Variants in CRB1 observed in about 807,000 individuals in gnomAD.
The protein encoded by CRB1 is crumbs cell polarity complex component 1.
CRB1 carries 83 observed loss-of-function variants against 120.0 expected under a neutral mutation model. The ratio of observed to expected loss-of-function variants is 0.69; its 90% CI spans 0.58 to 0.83. CRB1 has a LOEUF of 0.83. CRB1 is among the 40% of genes least tolerant of loss of function. CRB1 has a pLI of 0.00. For synonymous variants in CRB1, 625 were observed against 612.5 expected (o/e 1.02, Z -0.30); for missense variants, 1,699 against 1,687.6 (o/e 1.01, Z -0.12).
At chr1:197,466,837 G>C (rs1416938517) in intron 11 of CRB1, among the ~76,000 whole-genome samples, 3 of 152,226 alleles carry the variant, frequency 2.0e-5, no homozygotes, top group Non-Finnish European at 4.4e-5. Context: ...TGAATGAAAA[G>C]AGAGCCAAGG....
chr1:197,440,665 A>T (rs1429299076), intron 10 of CRB1: 1 of 152,254 alleles, frequency 6.6e-6, no homozygotes, highest in Admixed American at 6.5e-5. Flanking sequence ...TTAGAGGAAG[A>T]CAGAAAATAG....
intron 5 of CRB1, among the ~76,000 whole-genome samples, chr1:197,390,360 C>T (rs894670671): frequency 3.3e-5 from 5 of 152,020 alleles, no homozygotes; most frequent in African/African-American, 4.8e-5. Context: ...AGACAGCAGA[C>T]ATTTTTCCCA....
At chr1:197,455,949 C>A (rs1424833480) in intron 11 of CRB1, among the ~76,000 whole-genome samples, 1 of 151,868 alleles carries the variant, frequency 6.6e-6, no homozygotes, top group African/African-American at 2.4e-5. Flanking sequence ...TATCCAAAAC[C>A]AAATAGGCTA....
chr1:197,328,765 T>C lies in CRB1; in HGVS notation c.414T>C (p.Ala138=), dbSNP rs1658677371. The C allele has an allele frequency of 6.2e-7, 1 of 1,612,298 alleles. No individual in the cohort carries two copies. Among genetic ancestry groups the C allele is most frequent in the South Asian group, 1.1e-5 (1 of 90,968 alleles). ...TTTATCCTGTCTGCATCTGCCCTGC[T>C]GGATATGCTGGAAGATTCTGTGAGA... ...DPIYPVCICP[A]GYAGRFCEID... Residue 138 remains alanine, a synonymous_variant, in exon 2 of 12, where the codon GCT becomes GCC. Coordinates refer to ENST00000367400, the MANE Select transcript of CRB1 (RefSeq NM_201253.3).
intron 11 of CRB1, chr1:197,444,039 G>C (rs1665585263): frequency 6.6e-6 from 1 of 152,146 alleles, no homozygotes; most frequent in South Asian, 2.1e-4. Flanking sequence ...TTGAAAACAT[G>C]AGGACAGTTT....
intron 2 of CRB1, among the ~76,000 whole-genome samples, chr1:197,336,183 C>G (rs541661475): frequency 2.6e-5 from 4 of 152,300 alleles, no homozygotes; most frequent in African/African-American, 9.6e-5. Flanking sequence ...CTCATCCATG[C>G]TGATGCATAA....
At chr1:197,386,511 T>G (rs928412631) in intron 5 of CRB1, among the ~76,000 whole-genome samples, 2 of 152,278 alleles carry the variant, frequency 1.3e-5, no homozygotes, top group East Asian at 1.9e-4. Flanking sequence ...TAGACAGCAC[T>G]TCCCTGAATT....
intron 4 of CRB1, among the ~76,000 whole-genome samples, chr1:197,354,838 G>T (rs79186800): frequency 1.3e-4 from 2 of 14,964 alleles, no homozygotes; most frequent in Non-Finnish European, 2.3e-4. Flanking sequence ...CCCCCCCCCC[G>T]CCCACCCCCC....
Position 197,427,999 on chromosome 1 carries a change from A to G in CRB1, c.2674A>G (p.Lys892Glu), listed in dbSNP as rs770031120. The change falls in exon 7 of 12, where the codon AAG becomes GAG. Residue 892 changes from lysine (K) to glutamate (E), a missense_variant and splice_region_variant. Physicochemically the swap from Lys to Glu is moderately conservative, Grantham distance 56 (BLOSUM62 1). Coordinates refer to ENST00000367400, the MANE Select transcript of CRB1 (RefSeq NM_201253.3). ...TQGCAGDNSC[K>E]SNPCHNGGVC... ...AGGCTGTGCTGGAGACAACAGCTGCAAGGTAATGATTACTCATACAAACTA... is the reference window on the plus strand; with the variant it reads ...AGGCTGTGCTGGAGACAACAGCTGCGAGGTAATGATTACTCATACAAACTA... The G allele has an allele frequency of 6.2e-7, 1 of 1,613,106 alleles. No homozygotes were observed. The highest frequency in any genetic ancestry group is 1.1e-5 in the South Asian group (1 of 91,070).
intron 8 of CRB1, among the ~76,000 whole-genome samples, chr1:197,431,432 T>C (rs1664865900): frequency 6.6e-6 from 1 of 152,206 alleles, no homozygotes; most frequent in Non-Finnish European, 1.5e-5. Context: ...AAATGATACT[T>C]TTTCATTCTA....
At chr1:197,452,858 C>T (rs1277879800) in intron 11 of CRB1, among the ~76,000 whole-genome samples, 4 of 152,170 alleles carry the variant, frequency 2.6e-5, no homozygotes, top group Non-Finnish European at 5.9e-5. Flanking sequence ...AATTTGTTAA[C>T]TGTCATATGA....
chr1:197,429,854 C>T (rs1475080792), intron 8 of CRB1, among the ~76,000 whole-genome samples: 2 of 152,186 alleles, frequency 1.3e-5, no homozygotes, highest in Non-Finnish European at 2.9e-5. Flanking sequence ...TCATTTAAAA[C>T]TGATTTCCTG....
intron 3 of CRB1, among the ~76,000 whole-genome samples, chr1:197,346,062 A>T (rs912846940): frequency 1.3e-5 from 2 of 152,188 alleles, no homozygotes; most frequent in African/African-American, 4.8e-5. Flanking sequence ...ATCAGGACAG[A>T]AACGACACAA....
chr1:197,356,811 T>C lies in CRB1; in HGVS notation c.989-20T>C, dbSNP rs1660502032. ...TCAACACCTTTGACTTAGCAGCTTC[T>C]CTGAATTTTCATCATGCAGGATACA... On this transcript the variant is annotated intron_variant, in intron 4 of 11. Transcript: ENST00000367400. 2 of 1,613,966 alleles carry C rather than the reference T, an allele frequency of 1.2e-6. No individual in the cohort carries two copies. The highest frequency in any genetic ancestry group is 1.7e-6 in the Non-Finnish European group (2 of 1,179,862).
intron 1 of CRB1, among the ~76,000 whole-genome samples, chr1:197,271,309 G>A (rs1470654555): frequency 6.6e-6 from 1 of 152,120 alleles, no homozygotes; most frequent in Non-Finnish European, 1.5e-5. Flanking sequence ...AAATTTAAGA[G>A]AAAATAATCA....
chr1:197,256,211 G>C, the CRB1 span, among the ~76,000 whole-genome samples: 1 of 151,284 alleles, frequency 6.6e-6, no homozygotes, highest in Non-Finnish European at 1.5e-5. Context: ...TGTTCTTAGA[G>C]AAATACTTAT....
At chr1:197,316,202 T>G (rs1657826721) in intron 1 of CRB1, among the ~76,000 whole-genome samples, 2 of 152,272 alleles carry the variant, frequency 1.3e-5, no homozygotes, top group South Asian at 2.1e-4. Context: ...TTTTTTTTTT[T>G]GAGACGGAGT....
rs139183869 is a variant in CRB1 at position 197,411,086 on chromosome 1, G to T, written c.1172-9914G>T. Among the ~76,000 whole-genome samples the T allele has an allele frequency of 5.3e-5, 8 of 152,200 alleles. No homozygotes were observed. The East Asian group carries it at 1.5e-3, about 29-fold the overall frequency. On this transcript the variant is annotated intron_variant, in intron 5 of 11. Coordinates refer to ENST00000367400, the MANE Select transcript of CRB1 (RefSeq NM_201253.3). ...ATGCCCTGGTATCTGCTTTTCTCCT[G>T]GTTAAACATTCAATTTTCTCCAATA...
At chr1:197,397,936 A>G (rs1187758010) in intron 5 of CRB1, among the ~76,000 whole-genome samples, 4 of 152,088 alleles carry the variant, frequency 2.6e-5, no homozygotes, top group Non-Finnish European at 4.4e-5. Flanking sequence ...ATTATAAGTG[A>G]ATTACATATC....
Sources: allele counts gnomAD v4.1 joint callset (sites outside exome capture counted in the v4.1 genomes callset), GRCh38; gene constraint gnomAD v4.1.1; transcripts MANE v1.5; gene names NCBI Gene and HGNC (gene_info 2026-07-23, HGNC 2026-07-21).